WDR41: variants seen among roughly 807,000 people sequenced by gnomAD.
The protein encoded by WDR41 is WD repeat domain 41, also known as WD repeat-containing protein 41.
Under a neutral mutation model 69.3 loss-of-function variants are expected in WDR41, and 63 were observed. The observed-to-expected ratio is 0.91, with a 90% CI of 0.74 to 1.12. The LOEUF (loss-of-function observed/expected upper bound fraction) is 1.12, where lower values mean the gene tolerates loss of function less well. Among genes scored for constraint, WDR41 ranks in the 50% most tolerant of loss-of-function variants. The pLI, the probability that WDR41 is intolerant of heterozygous loss-of-function variation, is 0.00. For synonymous variants in WDR41, 185 were observed against 192.1 expected (o/e 0.96, Z 0.31); for missense variants, 543 against 534.5 (o/e 1.02, Z -0.16).
chr5:77,464,624 T>C, intron 3 of WDR41, 137 bp downstream of exon 3: 1 of 861,760 alleles, frequency 1.2e-6, no homozygotes, highest in Non-Finnish European at 1.8e-6. Flanking sequence ...GGATTTATCC[T>C]AATTAGCTCT....
chr5:77,516,252 T>C (rs1455431517), intron 1 of WDR41, among the ~76,000 whole-genome samples: 1 of 152,234 alleles, frequency 6.6e-6, no homozygotes, highest in Non-Finnish European at 1.5e-5. Flanking sequence ...ATTTTTCTTA[T>C]GTTTATTATT....
intron 1 of WDR41, among the ~76,000 whole-genome samples, chr5:77,501,239 A>T (rs1475171569): frequency 1.3e-5 from 2 of 152,254 alleles, no homozygotes. Flanking sequence ...TTTCTGGCTC[A>T]GCGGGCCCCA....
chr5:77,595,929 G>C (rs771032089), intron 1 of WDR41, among the ~76,000 whole-genome samples: 49 of 152,144 alleles, frequency 3.2e-4, no homozygotes, highest in Admixed American at 1.8e-3. Context: ...CAGTGGTCCT[G>C]AGCAATATGA....
chr5:77,612,595 C>T (rs976931819), intron 1 of WDR41, among the ~76,000 whole-genome samples: 8 of 152,214 alleles, frequency 5.3e-5, no homozygotes, highest in African/African-American at 1.9e-4. Context: ...ATTCAACAAC[C>T]CTTCATACTA....
intron 1 of WDR41, among the ~76,000 whole-genome samples, chr5:77,590,443 G>GAC (rs1448152053): frequency 2.6e-5 from 4 of 152,188 alleles, no homozygotes; most frequent in Non-Finnish European, 5.9e-5. Flanking sequence ...CACACAGATG[G>GAC]CACATGGGGT....
At chr5:77,567,518 A>G (rs1393523633) in intron 1 of WDR41, among the ~76,000 whole-genome samples, 2 of 152,058 alleles carry the variant, frequency 1.3e-5, no homozygotes, top group Non-Finnish European at 2.9e-5. Context: ...GTACATACCA[A>G]CATTACAGGG....
intron 1 of WDR41, among the ~76,000 whole-genome samples, chr5:77,596,539 T>C (rs1005642939): frequency 1.3e-5 from 2 of 152,138 alleles, no homozygotes; most frequent in Non-Finnish European, 2.9e-5. Context: ...TTAAACTTTT[T>C]CTAAATTGAA....
rs138249965 is a variant in WDR41 at position 77,436,384 on chromosome 5, G to T, written c.1104C>A (p.Asn368Lys). 1.6e-3 allele frequency: 2,613 copies of T among 1,613,514 alleles called. 1 individual carries two copies. Among genetic ancestry groups the T allele is most frequent in the Non-Finnish European group, 2.1e-3 (2,500 of 1,179,782 alleles). ...AAEPVPTGFF[N>K]MWGFGRVSKQ... is the part of the protein sequence containing the mutation. The stretch of plus-strand genomic sequence containing the variant: ...TGCTGACTCTTCCAAATCCCCACAT[G>T]TTAAAAAAACCTAGAAAAAGAATCA... The change falls in exon 12 of 13, where the codon AAC (asparagine) becomes AAA (lysine). Residue 368 changes from asparagine (N) to lysine (K), a missense_variant. Physicochemically the swap from Asn to Lys is moderately conservative, Grantham distance 94. Transcript: ENST00000296679.
intron 1 of WDR41, 22 bp from the exon 2 acceptor site, chr5:77,489,594 A>G: frequency 6.8e-7 from 1 of 1,460,952 alleles, no homozygotes; most frequent in Non-Finnish European, 9.4e-7. Context: ...AAAAAAAAAA[A>G]AGCAAAAAAC....
intron 5 of WDR41, among the ~76,000 whole-genome samples, chr5:77,456,726 G>A (rs1192309240): frequency 6.6e-6 from 1 of 151,956 alleles, no homozygotes; most frequent in African/African-American, 2.4e-5. Context: ...TTTTGAGACA[G>A]GGTCTTGCTC....
chr5:77,591,306 G>A (rs368619109), intron 1 of WDR41, among the ~76,000 whole-genome samples: 1 of 151,992 alleles, frequency 6.6e-6, no homozygotes, highest in Non-Finnish European at 1.5e-5. Context: ...TTCCTCATCA[G>A]TATTAGCAGG....
At chr5:77,517,408 A>G (rs1002769446) in intron 1 of WDR41, among the ~76,000 whole-genome samples, 1 of 152,102 alleles carries the variant, frequency 6.6e-6, no homozygotes, top group African/African-American at 2.4e-5. Context: ...AACAAAAAAA[A>G]CAGATCAGAC....
chr5:77,497,058 A>T (rs536224842), upstream of WDR41, among the ~76,000 whole-genome samples: 26 of 152,336 alleles, frequency 1.7e-4, no homozygotes, highest in Admixed American at 3.3e-4. Flanking sequence ...AAAAGAATGA[A>T]CTTGGATCCT....
intron 1 of WDR41, among the ~76,000 whole-genome samples, chr5:77,501,728 T>C (rs561606580): frequency 1.3e-5 from 2 of 152,198 alleles, no homozygotes; most frequent in South Asian, 4.2e-4. Context: ...CTGCTTGTGA[T>C]ACCAAGGCAA....
At chr5:77,454,491 T>C (rs997606113) in intron 5 of WDR41, among the ~76,000 whole-genome samples, 1 of 152,216 alleles carries the variant, frequency 6.6e-6, no homozygotes, top group Non-Finnish European at 1.5e-5. Context: ...TAATACACAA[T>C]TGCTTAAACC....
At chr5:77,464,831 A>AG (rs1554111130) in intron 2 of WDR41, 22 bp from the exon 3 acceptor site, 2 of 1,575,520 alleles carry the variant, frequency 1.3e-6, no homozygotes, top group Admixed American at 3.6e-5. Flanking sequence ...GAAAGGGTCA[A>AG]GAAAAAAAAA....
intron 1 of WDR41, among the ~76,000 whole-genome samples, chr5:77,501,481 G>A (rs1802017678): frequency 6.6e-6 from 1 of 152,242 alleles, no homozygotes; most frequent in Non-Finnish European, 1.5e-5. Flanking sequence ...GACAACTTCT[G>A]CAGACTTAAA....
At chr5:77,506,198 A>AT (rs1368828317) in intron 1 of WDR41, among the ~76,000 whole-genome samples, 2 of 152,194 alleles carry the variant, frequency 1.3e-5, no homozygotes, top group Admixed American at 6.5e-5. Flanking sequence ...CAAGAAAAAA[A>AT]CAAACAACCT....
At chr5:77,474,780 A>C (rs1476452417) in intron 2 of WDR41, among the ~76,000 whole-genome samples, 1 of 152,208 alleles carries the variant, frequency 6.6e-6, no homozygotes, top group Non-Finnish European at 1.5e-5. Context: ...TAGAAAGCTA[A>C]ACTACACATC....
Sources: allele counts gnomAD v4.1 joint callset (sites outside exome capture counted in the v4.1 genomes callset), GRCh38; gene constraint gnomAD v4.1.1; transcripts MANE v1.5; gene names NCBI Gene and HGNC (gene_info 2026-07-23, HGNC 2026-07-21).